SGCD: variants seen among roughly 807,000 people sequenced by gnomAD.
SGCD encodes the protein delta-sarcoglycan.
In SGCD, 18 loss-of-function variants were observed where a neutral mutation model predicts 36.6. That is an observed-to-expected ratio of 0.49 (90% CI 0.34 to 0.73). The LOEUF is 0.73. Ranked by LOEUF, SGCD falls within the 30% of genes least tolerant of loss-of-function variation. The pLI is 0.01. For synonymous variants in SGCD, 133 were observed against 130.6 expected (o/e 1.02, Z -0.12); for missense variants, 387 against 346.7 (o/e 1.12, Z -0.92).
chr5:156,567,515 G>T (rs1201254312), intron 4 of SGCD, among the ~76,000 whole-genome samples: 1 of 152,156 alleles, frequency 6.6e-6, no homozygotes, highest in Non-Finnish European at 1.5e-5. Flanking sequence ...AAGAGCCATT[G>T]TCCAGTTCAT....
chr5:156,170,696 G>C (rs891666594), intron 3 of SGCD, among the ~76,000 whole-genome samples: 1 of 152,098 alleles, frequency 6.6e-6, no homozygotes, highest in African/African-American at 2.4e-5. Flanking sequence ...CAAATTAGTA[G>C]GACAGGTCAG....
chr5:156,071,699 T>C (rs1039202718), intron 1 of SGCD, among the ~76,000 whole-genome samples: 5 of 152,214 alleles, frequency 3.3e-5, no homozygotes, highest in African/African-American at 1.2e-4. Flanking sequence ...TAACTTTCTG[T>C]CTCATTGATC....
chr5:156,658,671 A>T, intron 7 of SGCD, among the ~76,000 whole-genome samples: 1 of 72,396 alleles, frequency 1.4e-5, no homozygotes, highest in Admixed American at 1.7e-4. Context: ...GCTTTTCCCC[A>T]CATTTCCCCC....
chr5:155,817,052 CTTAT>C, the SGCD span, among the ~76,000 whole-genome samples: 5 of 152,110 alleles, frequency 3.3e-5, no homozygotes. Flanking sequence ...TTTTGCATCT[CTTAT>C]TTAACTGTGC....
At chr5:156,488,305 A>C (rs985490123) in intron 3 of SGCD, among the ~76,000 whole-genome samples, 9 of 152,160 alleles carry the variant, frequency 5.9e-5, no homozygotes, top group Middle Eastern at 6.8e-3. Context: ...TGTAAGCATC[A>C]AATAGAAGCT....
intron 3 of SGCD, among the ~76,000 whole-genome samples, chr5:156,294,157 A>G (rs1457150996): frequency 6.6e-6 from 1 of 152,150 alleles, no homozygotes; most frequent in East Asian, 1.9e-4. Context: ...GTGCATAAAA[A>G]TGCAAATGAT....
chr5:156,496,430 C>T (rs548553051), intron 3 of SGCD, among the ~76,000 whole-genome samples: 2 of 152,112 alleles, frequency 1.3e-5, no homozygotes, highest in South Asian at 4.1e-4. Flanking sequence ...GAGTACTGGG[C>T]TGCGTAAGTA....
intron 3 of SGCD, among the ~76,000 whole-genome samples, chr5:156,363,382 T>C (rs1769912503): frequency 6.6e-6 from 1 of 152,162 alleles, no homozygotes; most frequent in Non-Finnish European, 1.5e-5. Flanking sequence ...GAAAATGCAG[T>C]GAAAAAAGTA....
chr5:156,635,519 G>A (rs1381755519), intron 6 of SGCD, among the ~76,000 whole-genome samples: 1 of 152,086 alleles, frequency 6.6e-6, no homozygotes, highest in African/African-American at 2.4e-5. Context: ...ATTTGACCCA[G>A]CCATCCCATT....
At chr5:155,978,227 C>G (rs1024894795) in intron 1 of SGCD, among the ~76,000 whole-genome samples, 3 of 152,162 alleles carry the variant, frequency 2.0e-5, no homozygotes, top group Non-Finnish European at 4.4e-5. Flanking sequence ...ACTATTTGTT[C>G]CAAAATTTTA....
the SGCD span, among the ~76,000 whole-genome samples, chr5:155,731,113 CAG>C: frequency 6.6e-6 from 1 of 151,764 alleles, no homozygotes; most frequent in African/African-American, 2.4e-5. Flanking sequence ...AGGAGAAAGA[CAG>C]AGGGGCACGA....
chr5:156,091,056 T>A (rs1018840761), intron 1 of SGCD, among the ~76,000 whole-genome samples: 6 of 152,188 alleles, frequency 3.9e-5, no homozygotes, highest in Non-Finnish European at 8.8e-5. Context: ...GTTAATGCAA[T>A]CATCACAGGG....
intron 3 of SGCD, among the ~76,000 whole-genome samples, chr5:156,210,053 C>T (rs891392343): frequency 1.3e-5 from 2 of 152,192 alleles, no homozygotes; most frequent in Non-Finnish European, 2.9e-5. Flanking sequence ...TGGATACAGG[C>T]TGCAGGCCTG....
chr5:155,747,437 A>G, the SGCD span, among the ~76,000 whole-genome samples: 5 of 152,202 alleles, frequency 3.3e-5, no homozygotes, highest in African/African-American at 1.2e-4. Context: ...CAAAGCTGTC[A>G]TTGATCAATT....
At chr5:156,649,448 C>G (rs570772932) in intron 7 of SGCD, among the ~76,000 whole-genome samples, 18 of 152,184 alleles carry the variant, frequency 1.2e-4, no homozygotes, top group African/African-American at 3.9e-4. Context: ...ATAGCAAAGA[C>G]TTGGAACCAA....
At chr5:155,887,769 G>C (rs374480778) in intron 1 of SGCD, among the ~76,000 whole-genome samples, 2 of 152,130 alleles carry the variant, frequency 1.3e-5, no homozygotes, top group Admixed American at 1.3e-4. Context: ...CTAAGCTAGA[G>C]AGTTATTTCC....
chr5:156,269,040 G>A (rs890398839), intron 3 of SGCD, among the ~76,000 whole-genome samples: 6 of 152,148 alleles, frequency 3.9e-5, no homozygotes, highest in African/African-American at 1.4e-4. Flanking sequence ...GGAAGAACAA[G>A]AGATTTAATT....
At chr5:156,251,816 T>C (rs937025190) in intron 3 of SGCD, among the ~76,000 whole-genome samples, 2 of 151,590 alleles carry the variant, frequency 1.3e-5, no homozygotes, top group African/African-American at 4.8e-5. Flanking sequence ...GCCCGGCCTA[T>C]ACTACGTTTT....
chr5:155,825,724 A>ATT, the SGCD span, among the ~76,000 whole-genome samples: 1 of 27,192 alleles, frequency 3.7e-5, no homozygotes, highest in African/African-American at 1.7e-4. Context: ...TGACTTTATT[A>ATT]TTTGTTTTTT....
Sources: gnomAD v4.1 joint callset for allele counts (sites outside exome capture counted in the v4.1 genomes callset) on GRCh38, gnomAD v4.1.1 for gene constraint, MANE v1.5 for transcripts, NCBI Gene and HGNC (gene_info 2026-07-23, HGNC 2026-07-21) for gene names.